The following ZFAT variants were observed in gnomAD, a reference collection of about 807,000 sequenced individuals.
ZFAT encodes the protein zinc finger protein ZFAT.
In ZFAT, 64 loss-of-function variants were observed where a neutral mutation model predicts 117.7. The ratio of observed to expected loss-of-function variants is 0.54; its 90% confidence interval spans 0.44 to 0.67. The LOEUF (loss-of-function observed/expected upper bound fraction) is 0.67. Ranked by LOEUF, ZFAT falls within the 30% of genes least tolerant of loss-of-function variation. The pLI is 0.00. For missense variants in ZFAT, 1,433 were observed against 1,584.5 expected (o/e 0.90, Z 1.62); for synonymous variants, 679 against 615.0 (o/e 1.10, Z -1.54).
At position 134,601,884 on chromosome 8, in the gene ZFAT, G is replaced by A. The variant is rs762358171; in HGVS notation, c.1835C>T (p.Pro612Leu). 1 of 1,613,454 alleles carries A rather than the reference G, an allele frequency of 6.2e-7. No individual in the cohort carries two copies. Among genetic ancestry groups the A allele is most frequent in the Non-Finnish European group, 8.5e-7 (1 of 1,179,682 alleles). ...GTGCTGCATGTCTGGGGGCTTCTCA[G>A]GAGCAGCATGAGCCTCTGCGGAGGA... ...DTSSAEAHAAPEKPPDMQHRS... is the reference protein window; with the variant it reads ...DTSSAEAHAALEKPPDMQHRS... The change falls in exon 6 of 16, where the codon CCT (proline) becomes CTT (leucine). Residue 612 changes from proline (P) to leucine (L), a missense_variant. Coordinates refer to ENST00000377838, the MANE Select transcript of ZFAT (RefSeq NM_020863.4).
chr8:134,644,914 C>T lies in ZFAT; in HGVS notation c.197-7202G>A, dbSNP rs564984911. ...GTGCCTATATACACAATCACATGCA[C>T]ACACACAAACACACCCATATACACA... is the stretch of plus-strand genomic sequence containing the variant. On this transcript the variant is annotated intron_variant, in intron 2 of 15. Transcript: ENST00000377838. Among the ~76,000 whole-genome samples, 12 of 152,240 alleles carry T rather than the reference C, an allele frequency of 7.9e-5. No individual in the cohort carries two copies. In the South Asian group the frequency reaches 2.5e-3, roughly 32 times the overall value.
At chr8:134,551,933 ATCAG>A (rs1356138967) in intron 11 of ZFAT, among the ~76,000 whole-genome samples, 1 of 152,260 alleles carries the variant, frequency 6.6e-6, no homozygotes, top group Non-Finnish European at 1.5e-5. Flanking sequence ...ACTTGTGGGT[ATCAG>A]TCAATCAGAG....
intron 1 of ZFAT, among the ~76,000 whole-genome samples, chr8:134,667,970 T>A (rs1832323030): frequency 6.6e-6 from 1 of 152,166 alleles, no homozygotes; most frequent in Non-Finnish European, 1.5e-5. Context: ...ATCCCGCGCA[T>A]GGCTCCGTGG....
At chr8:134,639,789 G>T (rs774397508) in intron 2 of ZFAT, 2 of 456,288 alleles carry the variant, frequency 4.4e-6, no homozygotes, top group Admixed American at 2.3e-5. Context: ...TGTCATGTCA[G>T]CTGAGTTCCA....
chr8:134,738,455 A>G, the ZFAT span, among the ~76,000 whole-genome samples: 1 of 152,238 alleles, frequency 6.6e-6, no homozygotes, highest in Non-Finnish European at 1.5e-5. Context: ...CCATTCATGC[A>G]TTCAAAATAT....
Position 134,712,923 on chromosome 8 carries a change from C to T in ZFAT, c.-60G>A. 6.9e-7 allele frequency: 1 copy of T among 1,457,764 alleles called. No individual in the cohort carries two copies. Among genetic ancestry groups the T allele is most frequent in the South Asian group, 1.3e-5 (1 of 74,746 alleles). The allele number at this position is 1,457,764 out of a possible 1,614,324, so 90.3% of individuals were successfully genotyped here. A position where few individuals can be genotyped will look rare whatever the true frequency, so the allele number is the denominator to read the frequency against. Reference sequence around the variant, plus strand: ...GGGCTCTTCCGGGCCCCCTCCCGTGCCGACCGAGGGGGCGGGGCGCCCTGC... The same window carrying T: ...GGGCTCTTCCGGGCCCCCTCCCGTGTCGACCGAGGGGGCGGGGCGCCCTGC... On this transcript the variant is annotated 5_prime_UTR_variant, in exon 1 of 16. Transcript: ENST00000377838.
intron 15 of ZFAT, among the ~76,000 whole-genome samples, chr8:134,489,334 C>G (rs1449282843): frequency 6.6e-6 from 1 of 151,966 alleles, no homozygotes; most frequent in East Asian, 1.9e-4. Context: ...TGAGCCCTGC[C>G]CATTCCCCCT....
the ZFAT span, among the ~76,000 whole-genome samples, chr8:134,773,265 C>T: frequency 6.6e-6 from 1 of 152,146 alleles, no homozygotes; most frequent in African/African-American, 2.4e-5. Flanking sequence ...ATAAATGGAA[C>T]AATGAAACCT....
intron 3 of ZFAT, among the ~76,000 whole-genome samples, chr8:134,625,922 A>G (rs1228268384): frequency 6.6e-6 from 1 of 152,232 alleles, no homozygotes; most frequent in Non-Finnish European, 1.5e-5. Flanking sequence ...GACCCTCCAC[A>G]CTGAAAATCG....
At chr8:134,725,854 T>C in the ZFAT span, among the ~76,000 whole-genome samples, 1 of 152,002 alleles carries the variant, frequency 6.6e-6, no homozygotes, top group East Asian at 1.9e-4. Flanking sequence ...CCAGGCTGGG[T>C]TGGGAAAGAA....
chr8:134,621,740 C>T (rs1356969105), intron 3 of ZFAT, among the ~76,000 whole-genome samples: 1 of 152,166 alleles, frequency 6.6e-6, no homozygotes, highest in African/African-American at 2.4e-5. Context: ...CCCTGCCAGC[C>T]TCCCACACCT....
the ZFAT span, among the ~76,000 whole-genome samples, chr8:134,774,773 C>T: frequency 2.6e-5 from 4 of 152,282 alleles, no homozygotes; most frequent in Admixed American, 2.0e-4. Context: ...TCTTCTCATT[C>T]GCCAACTCTG....
chr8:134,753,293 G>C, the ZFAT span, among the ~76,000 whole-genome samples: 1 of 152,100 alleles, frequency 6.6e-6, no homozygotes, highest in African/African-American at 2.4e-5. Flanking sequence ...GGTAGGAATA[G>C]AAGAGAAAGT....
At chr8:134,753,338 G>A in the ZFAT span, among the ~76,000 whole-genome samples, 11 of 152,260 alleles carry the variant, frequency 7.2e-5, no homozygotes, top group East Asian at 1.9e-3. Flanking sequence ...GGAGAGACAG[G>A]CAAAAGCCAA....
At chr8:134,610,141 G>C (rs1196649737) in intron 4 of ZFAT, among the ~76,000 whole-genome samples, 1 of 152,190 alleles carries the variant, frequency 6.6e-6, no homozygotes, top group African/African-American at 2.4e-5. Flanking sequence ...AGGAGGGGAA[G>C]GCACACACCC....
At chr8:134,803,707 G>A in the ZFAT span, among the ~76,000 whole-genome samples, 1 of 152,180 alleles carries the variant, frequency 6.6e-6, no homozygotes, top group African/African-American at 2.4e-5. Flanking sequence ...AGAGGCAACA[G>A]TAGACACTGC....
At chr8:134,725,483 C>CG in the ZFAT span, among the ~76,000 whole-genome samples, 1 of 151,968 alleles carries the variant, frequency 6.6e-6, no homozygotes. Context: ...AAGAGAGGGA[C>CG]GGGGAGAGGT....
the ZFAT span, chr8:134,804,732 T>C: frequency 2.7e-6 from 1 of 373,292 alleles, no homozygotes; most frequent in Non-Finnish European, 5.5e-6. Context: ...GAGAGCACCC[T>C]ACATTCAACT....
At position 134,583,978 on chromosome 8, in the gene ZFAT, C is replaced by G; in HGVS notation, c.2741G>C (p.Cys914Ser). The change falls in exon 10 of 16, where the codon TGT becomes TCT. Residue 914 changes from cysteine to serine, a missense_variant. By Grantham distance (112) the Cys-to-Ser change is moderately radical. Around this residue, in one of 5 missense-constraint regions of ZFAT, gnomAD observed 503 missense variants for 543.4 expected, o/e 0.93. Coordinates refer to ENST00000377838, the MANE Select transcript of ZFAT (RefSeq NM_020863.4). The part of the protein sequence containing the change: ...EGVKPFKCSL[C>S]EYATRSKSNL... ...ACTCTTGCTACGAGTTGCATACTCA[C>G]ACAAAGAACACTTGAAGGGCTTCAC... 1 of 1,560,448 alleles carries G rather than the reference C, an allele frequency of 6.4e-7. No homozygotes were observed. Among genetic ancestry groups the G allele is most frequent in the Non-Finnish European group, 8.7e-7 (1 of 1,151,100 alleles).
Sources: gnomAD v4.1 joint callset for allele counts (sites outside exome capture counted in the v4.1 genomes callset) on GRCh38, gnomAD v4.1.1 for gene constraint, gnomAD v4.1.1 regional missense constraint, MANE v1.5 for transcripts, NCBI Gene and HGNC (gene_info 2026-07-23, HGNC 2026-07-21) for gene names.